Variants in MACROD2 observed in about 807,000 individuals in gnomAD.
MACROD2 encodes the protein mono-ADP ribosylhydrolase 2, also known as ADP-ribose glycohydrolase MACROD2.
Under a neutral mutation model 70.4 loss-of-function variants are expected in MACROD2, and 36 were observed. The ratio of observed to expected loss-of-function variants is 0.51; its 90% CI spans 0.39 to 0.68. The LOEUF (loss-of-function observed/expected upper bound fraction) is 0.68. MACROD2 is among the 30% of genes least tolerant of loss of function. The pLI is 0.00. For missense variants in MACROD2, 496 were observed against 538.4 expected (o/e 0.92, Z 0.78); for synonymous variants, 172 against 178.8 (o/e 0.96, Z 0.30).
At chr20:14,210,708 T>C (rs1454704939) in intron 3 of MACROD2, among the ~76,000 whole-genome samples, 2 of 152,210 alleles carry the variant, frequency 1.3e-5, no homozygotes, top group Non-Finnish European at 1.5e-5. Context: ...ACTGTGATGA[T>C]TAAAATTGGG....
chr20:14,875,310 G>T (rs908417599), intron 5 of MACROD2, among the ~76,000 whole-genome samples: 9 of 151,932 alleles, frequency 5.9e-5, no homozygotes, highest in African/African-American at 2.2e-4. Flanking sequence ...TAACCCAGGA[G>T]GTAGAAGATG....
intron 8 of MACROD2, among the ~76,000 whole-genome samples, chr20:15,585,228 C>T (rs867271992): frequency 8.2e-5 from 12 of 147,120 alleles, no homozygotes; most frequent in East Asian, 3.9e-4. Flanking sequence ...GATGGAGTCT[C>T]GCTCTGTCGC....
chr20:14,352,940 C>T (rs1378244169), intron 3 of MACROD2, among the ~76,000 whole-genome samples: 2 of 152,052 alleles, frequency 1.3e-5, no homozygotes, highest in Non-Finnish European at 2.9e-5. Flanking sequence ...TTATGAGTTT[C>T]CACTCTCATC....
intron 8 of MACROD2, among the ~76,000 whole-genome samples, chr20:15,663,592 T>A (rs1333019456): frequency 1.3e-5 from 2 of 151,122 alleles, no homozygotes; most frequent in East Asian, 3.9e-4. Context: ...TTAAAACAAT[T>A]AAAAACTTGG....
intron 5 of MACROD2, among the ~76,000 whole-genome samples, chr20:15,206,385 T>C (rs1292972382): frequency 6.6e-6 from 1 of 152,190 alleles, no homozygotes; most frequent in Non-Finnish European, 1.5e-5. Context: ...TTATTCTGTT[T>C]AAAAAGTATA....
At chr20:14,503,895 A>C (rs995162854) in intron 4 of MACROD2, among the ~76,000 whole-genome samples, 1 of 152,238 alleles carries the variant, frequency 6.6e-6, no homozygotes, top group African/African-American at 2.4e-5. Context: ...TTTTCTAGTC[A>C]GATTTTGTTA....
At chr20:14,600,514 T>G (rs1214791187) in intron 4 of MACROD2, among the ~76,000 whole-genome samples, 1 of 152,124 alleles carries the variant, frequency 6.6e-6, no homozygotes, top group African/African-American at 2.4e-5. Context: ...GAATTAATTT[T>G]TATTGGGCTC....
At chr20:15,351,965 T>G (rs2078232161) in intron 6 of MACROD2, among the ~76,000 whole-genome samples, 1 of 152,132 alleles carries the variant, frequency 6.6e-6, no homozygotes, top group African/African-American at 2.4e-5. Context: ...TTTAGTGCAG[T>G]GAAAATGGTC....
intron 3 of MACROD2, among the ~76,000 whole-genome samples, chr20:14,445,035 G>A (rs996748846): frequency 2.6e-5 from 4 of 152,006 alleles, no homozygotes; most frequent in Non-Finnish European, 5.9e-5. Context: ...TTCCAACACA[G>A]CAGCCAATGT....
intron 7 of MACROD2, among the ~76,000 whole-genome samples, chr20:15,471,543 C>T (rs1232663230): frequency 6.6e-6 from 1 of 152,160 alleles, no homozygotes; most frequent in Non-Finnish European, 1.5e-5. Context: ...TGTTTGATTC[C>T]CACACCTGTG....
chr20:15,390,563 A>G (rs2045779077), intron 6 of MACROD2, among the ~76,000 whole-genome samples: 1 of 152,152 alleles, frequency 6.6e-6, no homozygotes, highest in African/African-American at 2.4e-5. Flanking sequence ...GCAGAATGGA[A>G]GTAGACCACA....
chr20:15,472,894 C>G (rs6034196), intron 7 of MACROD2, among the ~76,000 whole-genome samples: 29,954 of 152,052 alleles, frequency 0.2, 4,228 homozygotes, highest in African/African-American at 0.41. Context: ...AGGGAGTTTG[C>G]CATAAATACA....
At chr20:14,450,261 G>A (rs190432823) in intron 3 of MACROD2, among the ~76,000 whole-genome samples, 2 of 152,144 alleles carry the variant, frequency 1.3e-5, no homozygotes, top group East Asian at 3.9e-4. Context: ...TTGCTTTTCT[G>A]TTCATATGCA....
At chr20:15,444,266 C>T (rs6079829) in intron 7 of MACROD2, among the ~76,000 whole-genome samples, 26,442 of 152,106 alleles carry the variant, frequency 0.17, 2,837 homozygotes, top group Non-Finnish European at 0.25. Flanking sequence ...ATTAGTGTTC[C>T]TTTGTATCAA....
chr20:15,894,989 C>G (rs976161982), intron 10 of MACROD2, among the ~76,000 whole-genome samples: 1 of 152,216 alleles, frequency 6.6e-6, no homozygotes, highest in African/African-American at 2.4e-5. Context: ...AAGCAATACT[C>G]ACCTTTCCCC....
At chr20:14,201,110 CTACT>C in intron 3 of MACROD2, among the ~76,000 whole-genome samples, 1 of 152,152 alleles carries the variant, frequency 6.6e-6, no homozygotes, top group South Asian at 2.1e-4. Flanking sequence ...ATCTTTTTCT[CTACT>C]TGCACTACAG....
Position 14,714,249 on chromosome 20 carries a change from TAAAG to T in MACROD2, c.418+29292_418+29295del, listed in dbSNP as rs1264932827. On this transcript the variant is annotated intron_variant, in intron 5 of 17. Transcript: ENST00000684519. ...AGGATAGAGGACGAGTGTCTACAAA[TAAAG>T]AGTGAGGCAACACATATGTCCATCC... Among the ~76,000 whole-genome samples, 3 of 152,058 alleles carry T rather than the reference TAAAG, an allele frequency of 2.0e-5. No individual in the cohort carries two copies. In the East Asian group the frequency reaches 5.8e-4, roughly 29 times the overall value.
intron 5 of MACROD2, among the ~76,000 whole-genome samples, chr20:15,209,413 A>T (rs930699203): frequency 2.0e-5 from 3 of 152,170 alleles, no homozygotes; most frequent in Non-Finnish European, 4.4e-5. Context: ...TTCTGTGAGT[A>T]TTTTAAATAC....
At chr20:15,286,072 T>A (rs1293390911) in intron 6 of MACROD2, among the ~76,000 whole-genome samples, 1 of 152,004 alleles carries the variant, frequency 6.6e-6, no homozygotes, top group Non-Finnish European at 1.5e-5. Context: ...AAATGTAAAA[T>A]TCAACTATAT....
Sources: allele counts gnomAD v4.1 joint callset (sites outside exome capture counted in the v4.1 genomes callset), GRCh38; gene constraint gnomAD v4.1.1; transcripts MANE v1.5; gene names NCBI Gene and HGNC (gene_info 2026-07-23, HGNC 2026-07-21).